The following TCF25 variants were observed in gnomAD, a reference collection of about 807,000 sequenced individuals.
TCF25 encodes ribosome quality control complex subunit TCF25.
TCF25 carries 41 observed loss-of-function variants against 83.1 expected under a neutral mutation model. That is an observed-to-expected ratio of 0.49 (90% confidence interval 0.38 to 0.64). The LOEUF is 0.64. Ranked by LOEUF, TCF25 falls within the 30% of genes least tolerant of loss-of-function variation. The pLI is 0.00. For synonymous variants in TCF25, 458 were observed against 365.0 expected (o/e 1.25, Z -2.90); for missense variants, 979 against 914.5 (o/e 1.07, Z -0.91).
chr16:89,873,632 T>C lies in TCF25; in HGVS notation c.-36T>C. The C allele has an allele frequency of 6.7e-7, 1 of 1,487,766 alleles. No homozygotes were observed. The highest frequency in any genetic ancestry group is 8.9e-7 in the Non-Finnish European group (1 of 1,122,206). The allele number at this position is 1,487,766 out of a possible 1,614,324, so 92.2% of individuals were successfully genotyped here. On this transcript the variant is annotated 5_prime_UTR_variant, in exon 1 of 18. Coordinates refer to ENST00000263346, the MANE Select transcript of TCF25 (RefSeq NM_014972.3). ...GACAGCCGAGTTTTCTGCGCTTCCT[T>C]CTCCCTCTCTCCAGACGTCGTGGTC... is the stretch of plus-strand genomic sequence containing the variant.
intron 5 of TCF25, among the ~76,000 whole-genome samples, chr16:89,891,279 G>C (rs551477104): frequency 6.6e-6 from 1 of 152,364 alleles, no homozygotes; most frequent in East Asian, 1.9e-4. Context: ...TGGCCCAGGA[G>C]AGTGCTGAAG....
intron 12 of TCF25, among the ~76,000 whole-genome samples, chr16:89,902,773 C>T (rs955851708): frequency 6.6e-6 from 1 of 152,022 alleles, no homozygotes; most frequent in Non-Finnish European, 1.5e-5. Context: ...AGACGGGCCT[C>T]CTCCGAGGGG....
intron 1 of TCF25, chr16:89,874,689 C>G (rs2042037428): frequency 6.6e-6 from 1 of 152,334 alleles, no homozygotes. Context: ...CCGTCTGTAA[C>G]TCTGCCTCTG....
At chr16:89,886,140 T>C in intron 4 of TCF25, 174 bp downstream of exon 4, 1 of 650,378 alleles carries the variant, frequency 1.5e-6, no homozygotes, top group Non-Finnish European at 2.8e-6. Context: ...ATCATATGAG[T>C]TTATTGGCTG....
chr16:89,904,866 G>A, intron 13 of TCF25, 72 bp from the exon 14 acceptor site: 1 of 1,541,952 alleles, frequency 6.5e-7, no homozygotes, highest in Non-Finnish European at 8.8e-7. Context: ...GCCCATCCAT[G>A]GGGCTCTGCC....
Position 89,895,078 on chromosome 16 carries a change from T to A in TCF25, c.869T>A (p.Leu290Gln), listed in dbSNP as rs779805003. 1.2e-5 allele frequency: 19 copies of A among 1,613,356 alleles called. No homozygotes were observed. The highest frequency in any genetic ancestry group is 1.6e-5 in the Non-Finnish European group (19 of 1,179,802). ...AGCCCTTACCACGTTGACTCACTCCTGCAGCTCAGCGATGCCTGCCGCTTT... is the reference window on the plus strand; with the variant it reads ...AGCCCTTACCACGTTGACTCACTCCAGCAGCTCAGCGATGCCTGCCGCTTT... The part of the protein sequence containing the change: ...QTSPYHVDSL[L>Q]QLSDACRFQE... The change falls in exon 8 of 18, where the codon CTG becomes CAG. Residue 290 changes from leucine (L) to glutamine (Q), a missense_variant. Transcript: ENST00000263346.
intron 9 of TCF25, among the ~76,000 whole-genome samples, chr16:89,897,088 G>T (rs1452635398): frequency 6.6e-6 from 1 of 152,094 alleles, no homozygotes; most frequent in African/African-American, 2.4e-5. Flanking sequence ...TCCACAGTGG[G>T]CTCTGCAATT....
chr16:89,885,180 G>A (rs1002470467), intron 3 of TCF25, among the ~76,000 whole-genome samples: 1 of 152,152 alleles, frequency 6.6e-6, no homozygotes, highest in Non-Finnish European at 1.5e-5. Context: ...AGCTTACTTA[G>A]TATTTTTATT....
chr16:89,904,479 G>T, intron 13 of TCF25: 1 of 536,944 alleles, frequency 1.9e-6, no homozygotes, highest in Non-Finnish European at 3.4e-6. Flanking sequence ...TGTAATCTCA[G>T]CTTTTTGGGA....
Position 89,895,983 on chromosome 16 carries a change from C to G in TCF25, c.929-7C>G. 3.1e-6 allele frequency: 5 copies of G among 1,613,164 alleles called. No individual in the cohort carries two copies. The highest frequency in any genetic ancestry group is 3.4e-6 in the Non-Finnish European group (4 of 1,179,514). ...GACACCCTCCCCTGGCGTCCCTGTG[C>G]CCACAGAGAGAGCGCTGTACAGCAT... is the stretch of plus-strand genomic sequence containing the variant. On this transcript the variant is annotated splice_region_variant and splice_polypyrimidine_tract_variant and intron_variant, in intron 8 of 17. Coordinates refer to ENST00000263346, the MANE Select transcript of TCF25 (RefSeq NM_014972.3).
intron 12 of TCF25, among the ~76,000 whole-genome samples, chr16:89,903,325 C>T (rs951848006): frequency 5.9e-5 from 9 of 152,372 alleles, no homozygotes; most frequent in South Asian, 2.1e-4. Context: ...CCACTGGGCA[C>T]AGGTGGCCTC....
rs555039152 is a variant in TCF25, at chr16:89,891,308, T to C, written c.615-885T>C. 1.1e-3 allele frequency among the ~76,000 whole-genome samples: 166 copies of C among 152,298 alleles called. 1 individual carries two copies. Among genetic ancestry groups the C allele is most frequent in the African/African-American group, 3.7e-3 (153 of 41,564 alleles). ...GCTGAAGGGCTGACTCTCCTAGGCCTGGGCGTGTGCTACAGGCAGGAGAAG... is the reference window on the plus strand; with the variant it reads ...GCTGAAGGGCTGACTCTCCTAGGCCCGGGCGTGTGCTACAGGCAGGAGAAG... On this transcript the variant is annotated intron_variant, in intron 5 of 17. Transcript: ENST00000263346.
intron 1 of TCF25, among the ~76,000 whole-genome samples, chr16:89,880,866 TC>T (rs372671153): frequency 3.1e-4 from 47 of 152,356 alleles, no homozygotes; most frequent in African/African-American, 8.2e-4. Context: ...TCAGCTTTCT[TC>T]CTTTACTGCA....
intron 5 of TCF25, chr16:89,889,982 G>C (rs978069306): frequency 6.6e-6 from 1 of 152,142 alleles, no homozygotes; most frequent in Admixed American, 6.6e-5. Context: ...CGATTCTCCT[G>C]CCTCAGCTTC....
At chr16:89,893,242 G>A (rs2043567389) in intron 6 of TCF25, among the ~76,000 whole-genome samples, 1 of 152,220 alleles carries the variant, frequency 6.6e-6, no homozygotes, top group African/African-American at 2.4e-5. Context: ...TCAGACAAGA[G>A]GAGCCAAGTG....
In TCF25 at chr16:89,891,023, C is replaced by CT. The variant is rs542247106; in HGVS notation, c.615-1169dup. On this transcript the variant is annotated intron_variant, in intron 5 of 17. Coordinates refer to ENST00000263346, the MANE Select transcript of TCF25 (RefSeq NM_014972.3). ...TCTCAGAAGCTCAGAATAACAGGCA[C>CT]TGCTTTCTCTTGGGTCCTTGACTTC... 7.0e-3 allele frequency among the ~76,000 whole-genome samples: 1,072 copies of CT among 152,254 alleles called. 3 individuals are homozygous for CT. The highest frequency in any genetic ancestry group is 0.011 in the Non-Finnish European group (735 of 68,018).
chr16:89,910,539 C>A, intron 16 of TCF25, 52 bp from the exon 17 acceptor site: 1 of 1,597,142 alleles, frequency 6.3e-7, no homozygotes, highest in Non-Finnish European at 8.6e-7. Flanking sequence ...CGGGTTGGGT[C>A]CCACGAGTCT....
Position 89,910,603 on chromosome 16 carries a change from C to G in TCF25, c.1812C>G (p.Ile604Met). The part of the protein sequence containing the change: ...SYVRPERLSP[I>M]SHGNTIALFF... The stretch of plus-strand genomic sequence containing the variant: ...GACTTTCTTTCAGGCTAAGTCCTAT[C>G]AGCCATGGAAACACCATTGCTCTCT... Residue 604 changes from isoleucine (I) to methionine (M), a missense_variant, in exon 17 of 18, where the codon ATC becomes ATG. Coordinates refer to ENST00000263346, the MANE Select transcript of TCF25 (RefSeq NM_014972.3). The G allele has an allele frequency of 6.2e-7, 1 of 1,613,608 alleles. No individual in the cohort carries two copies.
chr16:89,901,016 C>T (rs1597360163), intron 12 of TCF25: 1 of 470,014 alleles, frequency 2.1e-6, no homozygotes, highest in South Asian at 4.2e-5. Flanking sequence ...TGGCAGGCAT[C>T]CCGACCCCCG....
Sources: gnomAD v4.1 joint callset for allele counts (sites outside exome capture counted in the v4.1 genomes callset) on GRCh38, gnomAD v4.1.1 for gene constraint, MANE v1.5 for transcripts, NCBI Gene and HGNC (gene_info 2026-07-23, HGNC 2026-07-21) for gene names.